The following PAK3 variants were observed in gnomAD, a reference collection of about 807,000 sequenced individuals.
PAK3 encodes the protein p21 (RAC1) activated kinase 3.
PAK3 carries 4 observed loss-of-function variants against 41.0 expected under a neutral mutation model. That is an observed-to-expected ratio of 0.10 (90% CI 0.05 to 0.22). The LOEUF (loss-of-function observed/expected upper bound fraction) is 0.22, where lower values mean the gene tolerates loss of function less well. Ranked by LOEUF, PAK3 falls within the 10% of genes least tolerant of loss-of-function variation. The pLI is 1.00. For missense variants in PAK3, 205 were observed against 409.9 expected, an observed-to-expected ratio of 0.50 and a Z score of 4.32; for synonymous variants, 146 against 139.6, an observed-to-expected ratio of 1.05 and a Z score of -0.32.
chrX:111,062,118 G>C (rs1037980280), intron 1 of PAK3, among the ~76,000 whole-genome samples: 1 of 111,518 alleles, frequency 9.0e-6, no homozygotes, highest in Non-Finnish European at 1.9e-5. Flanking sequence ...ACCACACTGA[G>C]CTCCCAGTCA....
In PAK3 at chrX:111,192,633, T is replaced by G. The variant is rs781126529; in HGVS notation, c.992+15T>G. On this transcript the variant is annotated intron_variant, in intron 13 of 17. Transcript: ENST00000372007. ...TATTTAGATAGGTAAGTGTTTTGTC[T>G]TATTATGTACTTATATTCTTTGTGG... 5 of 756,053 alleles carry G rather than the reference T, an allele frequency of 6.6e-6. No homozygotes were observed. In the Admixed American group the frequency reaches 1.1e-4, roughly 17 times the overall value. 62.3% of individuals were successfully genotyped at this position (756,053 alleles called of 1,213,427 possible).
intron 1 of PAK3, among the ~76,000 whole-genome samples, chrX:111,051,142 T>G (rs1428257510): frequency 2.7e-5 from 3 of 111,589 alleles, no homozygotes; most frequent in Non-Finnish European, 5.6e-5. Context: ...CAGAACAGTC[T>G]GAATTTGGGT....
intron 1 of PAK3, among the ~76,000 whole-genome samples, chrX:111,014,565 C>T (rs776624995): frequency 1.3e-4 from 15 of 111,211 alleles, no homozygotes; most frequent in Non-Finnish European, 2.8e-4. Flanking sequence ...TTCAAGACTG[C>T]ACTAACCTGG....
Position 111,222,257 on chromosome X carries a change from C to T in PAK3, c.*1810C>T, listed in dbSNP as rs963149176. The T allele has an allele frequency of 5.9e-4, 66 of 111,966 alleles. No individual in the cohort carries two copies. Among genetic ancestry groups the T allele is most frequent in the African/African-American group, 2.1e-3 (66 of 30,897 alleles). The allele number at this position is 111,966 out of a possible 1,213,427, so 9.2% of individuals were successfully genotyped here. A position where few individuals can be genotyped will look rare whatever the true frequency, so the allele number is the denominator to read the frequency against. The stretch of plus-strand genomic sequence containing the variant: ...AAGGTACATCCATCCATCTAACCAT[C>T]CATATATCCACATCTTAAAATGAAA... On this transcript the variant is annotated 3_prime_UTR_variant, in exon 18 of 18. Transcript: ENST00000372007.
At chrX:110,947,931 A>G (rs954633908) in intron 1 of PAK3, among the ~76,000 whole-genome samples, 2 of 112,243 alleles carry the variant, frequency 1.8e-5, no homozygotes, top group African/African-American at 6.5e-5. Context: ...GATGACAACT[A>G]AGATAATATC....
chrX:111,130,441 T>TAA (rs2093701966), intron 5 of PAK3, among the ~76,000 whole-genome samples: 1 of 111,861 alleles, frequency 8.9e-6, no homozygotes, highest in South Asian at 3.8e-4. Flanking sequence ...CTGGGCTTAA[T>TAA]ATTCCACCAG....
intron 1 of PAK3, among the ~76,000 whole-genome samples, chrX:110,967,555 G>A (rs1477940188): frequency 1.8e-5 from 2 of 111,160 alleles, no homozygotes; most frequent in Non-Finnish European, 3.8e-5. Context: ...GGGAAGCCTG[G>A]GAATTTGGGC....
chrX:111,045,888 C>T (rs1236173949), intron 1 of PAK3, among the ~76,000 whole-genome samples: 1 of 111,539 alleles, frequency 9.0e-6, no homozygotes, highest in Non-Finnish European at 1.9e-5. Flanking sequence ...CTCCATTGGA[C>T]AGAAAATGTT....
At chrX:111,193,348 CTTTTT>C (rs758912089) in intron 13 of PAK3, among the ~76,000 whole-genome samples, 1 of 86,206 alleles carries the variant, frequency 1.2e-5, no homozygotes, top group African/African-American at 4.8e-5. Context: ...TTTTACAGTC[CTTTTT>C]TTTTTTTTTT....
At chrX:111,110,798 G>T (rs183124610) in intron 4 of PAK3, among the ~76,000 whole-genome samples, 62 of 112,434 alleles carry the variant, frequency 5.5e-4, no homozygotes, top group African/African-American at 1.8e-3. Context: ...GTCCTGACAT[G>T]AGAATTATAA....
chrX:111,128,715 G>A (rs1479421335), intron 5 of PAK3, among the ~76,000 whole-genome samples: 3 of 112,110 alleles, frequency 2.7e-5, no homozygotes, highest in Non-Finnish European at 5.6e-5. Context: ...TTAAGAAGAT[G>A]ATAGTGTGAT....
intron 1 of PAK3, among the ~76,000 whole-genome samples, chrX:111,030,942 G>C (rs2092333323): frequency 9.0e-6 from 1 of 111,374 alleles, no homozygotes; most frequent in Non-Finnish European, 1.9e-5. Flanking sequence ...ACTAGTAACT[G>C]TCTTAGAATT....
intron 1 of PAK3, among the ~76,000 whole-genome samples, chrX:111,054,324 T>C (rs1372218446): frequency 1.8e-5 from 2 of 112,556 alleles, no homozygotes; most frequent in African/African-American, 3.2e-5. Flanking sequence ...GTGCCCCTAG[T>C]CAGTGCTGCA....
chrX:111,200,258 T>C (rs1410809930), intron 16 of PAK3, among the ~76,000 whole-genome samples: 1 of 111,924 alleles, frequency 8.9e-6, no homozygotes. Context: ...AAACTAACTG[T>C]CTAGTTGTTT....
intron 1 of PAK3, among the ~76,000 whole-genome samples, chrX:111,028,336 C>G (rs934088258): frequency 7.3e-5 from 8 of 109,650 alleles, no homozygotes; most frequent in African/African-American, 2.0e-4. Flanking sequence ...TATCGGAAAT[C>G]ACCACTAAAG....
chrX:111,022,434 C>T (rs1299380290), intron 1 of PAK3, among the ~76,000 whole-genome samples: 1 of 111,748 alleles, frequency 8.9e-6, no homozygotes, highest in African/African-American at 3.2e-5. Context: ...AACTAAGCTT[C>T]ATAAATGAAG....
At chrX:111,107,800 A>G (rs946942384) in intron 4 of PAK3, among the ~76,000 whole-genome samples, 5 of 111,974 alleles carry the variant, frequency 4.5e-5, no homozygotes, top group Non-Finnish European at 1.9e-5. Flanking sequence ...GCCTAGTGCA[A>G]TGCTAGGTCC....
At chrX:111,115,651 G>A (rs142072090) in intron 4 of PAK3, among the ~76,000 whole-genome samples, 2,567 of 112,086 alleles carry the variant, frequency 0.023, 30 homozygotes, top group Non-Finnish European at 0.036. Context: ...GTAAACATAG[G>A]TCAAGGGGCA....
chrX:111,160,910 G>A (rs765962141), intron 8 of PAK3, among the ~76,000 whole-genome samples: 149 of 111,540 alleles, frequency 1.3e-3, no homozygotes, highest in African/African-American at 3.8e-3. Flanking sequence ...ATTGTGAATA[G>A]TGCCACAATA....
Sources: allele counts gnomAD v4.1 joint callset (sites outside exome capture counted in the v4.1 genomes callset), GRCh38; gene constraint gnomAD v4.1.1; transcripts MANE v1.5; gene names NCBI Gene and HGNC (gene_info 2026-07-23, HGNC 2026-07-21).